The following CFAP46 variants were observed in gnomAD, a reference collection of about 807,000 sequenced individuals.
The protein encoded by CFAP46 is cilia- and flagella-associated protein 46.
In CFAP46, 245 loss-of-function variants were observed where a neutral mutation model predicts 325.7. That is an observed-to-expected ratio of 0.75 (90% CI 0.68 to 0.84). The LOEUF (loss-of-function observed/expected upper bound fraction) is 0.84, where lower values mean the gene tolerates loss of function less well. Among genes scored for constraint, CFAP46 ranks in the 40% least tolerant of loss-of-function variants. The probability of loss-of-function intolerance (pLI) is 0.00; values close to 1 mark genes in which losing one functional copy is unlikely to be tolerated. For synonymous variants in CFAP46, 1,523 were observed against 1,495.9 expected, an observed-to-expected ratio of 1.02 and a Z score of -0.42; for missense variants, 3,346 against 3,543.0, an observed-to-expected ratio of 0.94 and a Z score of 1.41.
intron 50 of CFAP46, among the ~76,000 whole-genome samples, chr10:132,822,482 G>A (rs1847882799): frequency 2.8e-5 from 4 of 141,442 alleles, no homozygotes; most frequent in African/African-American, 1.1e-4. Context: ...TGTGCTGTGT[G>A]TGCTGTGTGT....
Position 132,903,915 on chromosome 10 carries a change from T to A in CFAP46, c.2925-4249A>T, listed in dbSNP as rs770110148. ...ATTTTAATAATCTACATGAAATGTA[T>A]AATATATATTCCTTGACACTAATAG... On this transcript the variant is annotated intron_variant, in intron 22 of 57. Transcript: ENST00000368586. Among the ~76,000 whole-genome samples the A allele has an allele frequency of 2.0e-4, 30 of 152,334 alleles. No individual in the cohort carries two copies. The Middle Eastern group carries it at 0.01, about 52-fold the overall frequency.
At chr10:132,883,174 A>G (rs774876268) in intron 27 of CFAP46, among the ~76,000 whole-genome samples, 3 of 152,216 alleles carry the variant, frequency 2.0e-5, no homozygotes, top group Non-Finnish European at 4.4e-5. Flanking sequence ...GCATCCAGAA[A>G]GTGGAGACGT....
chr10:132,848,525 G>A (rs898618081), intron 41 of CFAP46, among the ~76,000 whole-genome samples: 1 of 151,876 alleles, frequency 6.6e-6, no homozygotes, highest in African/African-American at 2.4e-5. Flanking sequence ...TGAACACGGT[G>A]GGCTCCGAGG....
chr10:132,836,966 C>T (rs1416346939), intron 44 of CFAP46, 52 bp from the exon 45 acceptor site: 14 of 1,349,064 alleles, frequency 1.0e-5, no homozygotes, highest in East Asian at 2.3e-5. Flanking sequence ...GCAAGGACGT[C>T]GCTGTGCTGT....
intron 35 of CFAP46, among the ~76,000 whole-genome samples, chr10:132,865,588 C>G (rs1034272933): frequency 3.9e-5 from 6 of 152,294 alleles, no homozygotes; most frequent in African/African-American, 1.4e-4. Flanking sequence ...GCAAAACAAA[C>G]AAAGACCAGA....
intron 35 of CFAP46, 114 bp from the exon 36 acceptor site, chr10:132,861,096 C>T (rs73391300): frequency 0.031 from 32,939 of 1,059,334 alleles, 2,101 homozygotes; most frequent in African/African-American, 0.23. Context: ...GACAGACAGA[C>T]GCACCAGGTG....
intron 16 of CFAP46, among the ~76,000 whole-genome samples, chr10:132,917,116 T>C (rs1376385396): frequency 6.6e-6 from 1 of 152,274 alleles, no homozygotes; most frequent in Non-Finnish European, 1.5e-5. Flanking sequence ...GCTCTGGTTC[T>C]GCCATGTGGC....
chr10:132,920,679 G>A (rs981238986), intron 13 of CFAP46, among the ~76,000 whole-genome samples: 38 of 152,362 alleles, frequency 2.5e-4, no homozygotes, highest in African/African-American at 7.7e-4. Context: ...GGGCGACCCC[G>A]GGGGCTGGGC....
chr10:132,814,906 C>T lies in CFAP46; in HGVS notation c.7126G>A (p.Val2376Met), dbSNP rs758085705. 8.7e-6 allele frequency: 14 copies of T among 1,613,962 alleles called. 1 individual carries two copies. The highest frequency in any genetic ancestry group is 3.3e-5 in the South Asian group (3 of 91,086). The change falls in exon 51 of 58, where the codon GTG becomes ATG. Residue 2376 changes from valine (V) to methionine (M), a missense_variant. Transcript: ENST00000368586. ...TCTCTGCTTCTTCCCTCCTTTTTCA[C>T]GCCACCTTCTGTTGAAGACAAGAAA... ...RLHKEETEGGVKKEGRSRDPK... is the reference protein window; with the variant it reads ...RLHKEETEGGMKKEGRSRDPK...
At chr10:132,875,531 CA>C (rs1194461520) in intron 31 of CFAP46, among the ~76,000 whole-genome samples, 1 of 152,174 alleles carries the variant, frequency 6.6e-6, no homozygotes, top group South Asian at 2.1e-4. Context: ...ATGCCAAGGA[CA>C]AAAAACTAAC....
intron 44 of CFAP46, 34 bp downstream of exon 44, chr10:132,846,022 TG>T: frequency 1.3e-6 from 2 of 1,583,992 alleles, no homozygotes. Context: ...GCTCCAGAGC[TG>T]GGGGCAGGTT....
chr10:132,912,443 T>C, intron 19 of CFAP46, among the ~76,000 whole-genome samples: 1 of 105,318 alleles, frequency 9.5e-6, no homozygotes, highest in Non-Finnish European at 2.0e-5. Context: ...CTCTCTCCTC[T>C]CCTCTCTCTC....
rs1847890200 is a variant in CFAP46, at chr10:132,822,623, G to A, written c.7118-7709C>T. Among the ~76,000 whole-genome samples, 2 of 140,686 alleles carry A rather than the reference G, an allele frequency of 1.4e-5. 1 individual carries two copies. The highest frequency in any genetic ancestry group is 5.4e-5 in the African/African-American group (2 of 37,078). 92.3% of individuals were successfully genotyped at this position (140,686 alleles called of 152,430 possible). ...CTGATGTGTGCTGTGTGTTGTGTGAGTGCTGATGTGTGCTGTCTGTGCGCT... is the reference window on the plus strand; with the variant it reads ...CTGATGTGTGCTGTGTGTTGTGTGAATGCTGATGTGTGCTGTCTGTGCGCT... On this transcript the variant is annotated intron_variant, in intron 50 of 57. Coordinates refer to ENST00000368586, the MANE Select transcript of CFAP46 (RefSeq NM_001200049.3).
chr10:132,810,370 G>A lies in CFAP46; in HGVS notation c.7664+39C>T, dbSNP rs543605414. 5 of 1,578,054 alleles carry A rather than the reference G, an allele frequency of 3.2e-6. No individual in the cohort carries two copies. The South Asian group carries it at 4.4e-5, about 14-fold the overall frequency. ...GCCCCATGGGCAGTGGCTGCAGAGGGTGCTGAAGGCCGCGGGGTGCAGGCC... is the reference window on the plus strand; with the variant it reads ...GCCCCATGGGCAGTGGCTGCAGAGGATGCTGAAGGCCGCGGGGTGCAGGCC... On this transcript the variant is annotated intron_variant, in intron 57 of 57. Coordinates refer to ENST00000368586, the MANE Select transcript of CFAP46 (RefSeq NM_001200049.3).
intron 57 of CFAP46, among the ~76,000 whole-genome samples, chr10:132,809,529 C>T (rs982118809): frequency 6.6e-6 from 1 of 152,162 alleles, no homozygotes; most frequent in Admixed American, 6.5e-5. Context: ...ATCCCCGGAC[C>T]GTGGACCACG....
chr10:132,845,098 G>A lies in CFAP46; in HGVS notation c.6438+959C>T, dbSNP rs370390344. On this transcript the variant is annotated intron_variant, in intron 44 of 57. Coordinates refer to ENST00000368586, the MANE Select transcript of CFAP46 (RefSeq NM_001200049.3). ...CCCAGCTTAGCCCATTTTAATTCCC[G>A]CTTGCCATGCACACCCTCCTGGACC... 9.9e-5 allele frequency among the ~76,000 whole-genome samples: 15 copies of A among 152,230 alleles called. 1 individual carries two copies. The highest frequency in any genetic ancestry group is 6.2e-4 in the South Asian group (3 of 4,814).
chr10:132,810,890 C>G (rs181056107), intron 56 of CFAP46, 60 bp downstream of exon 56: 1 of 1,478,974 alleles, frequency 6.8e-7, no homozygotes, highest in Non-Finnish European at 9.2e-7. Context: ...GTCCCACGCC[C>G]GTCTGTCTGA....
At chr10:132,831,806 CT>C (rs894521439) in intron 50 of CFAP46, among the ~76,000 whole-genome samples, 5 of 151,804 alleles carry the variant, frequency 3.3e-5, no homozygotes, top group African/African-American at 1.2e-4. Context: ...TCTCTGTTCC[CT>C]TTTTTTCTGT....
intron 50 of CFAP46, among the ~76,000 whole-genome samples, chr10:132,824,446 A>G (rs1217971019): frequency 6.2e-5 from 5 of 80,980 alleles, no homozygotes; most frequent in South Asian, 4.9e-4. Flanking sequence ...CTGTGTGCTG[A>G]TGTGTGCTGT....
Sources: gnomAD v4.1 joint callset for allele counts (sites outside exome capture counted in the v4.1 genomes callset) on GRCh38, gnomAD v4.1.1 for gene constraint, MANE v1.5 for transcripts, NCBI Gene and HGNC (gene_info 2026-07-23, HGNC 2026-07-21) for gene names.